The following UBE2L6 variants were observed in gnomAD, a reference collection of about 807,000 sequenced individuals.
UBE2L6 encodes ubiquitin/ISG15-conjugating enzyme E2 L6.
In UBE2L6, 11 loss-of-function variants were observed where a neutral mutation model predicts 13.6. The observed-to-expected ratio is 0.81, with a 90% confidence interval of 0.51 to 1.34. The LOEUF (loss-of-function observed/expected upper bound fraction) is 1.34. UBE2L6 is among the 40% of genes most tolerant of loss of function. UBE2L6 has a pLI of 0.00. For synonymous variants in UBE2L6, 74 were observed against 83.2 expected (o/e 0.89, Z 0.60); for missense variants, 197 against 199.5 (o/e 0.99, Z 0.07).
intron 1 of UBE2L6, among the ~76,000 whole-genome samples, chr11:57,565,691 G>A (rs73478671): frequency 0.018 from 2,779 of 152,202 alleles, 86 homozygotes; most frequent in African/African-American, 0.064. Context: ...TTGCTTGTTT[G>A]TTTATGTAAT....
chr11:57,563,825 C>A (rs1945065901), intron 1 of UBE2L6, among the ~76,000 whole-genome samples: 1 of 151,654 alleles, frequency 6.6e-6, no homozygotes, highest in African/African-American at 2.4e-5. Context: ...TGGTATGAAC[C>A]CAGGAGGCAG....
rs779660556 is a variant in UBE2L6, at chr11:57,554,627, T to C, written c.124-4A>G. ...TCAGGTGGTAGGGAGGTTGGTCCTGTGCAGAGAGAAAAGGGGTCAAGCTCC... is the reference window on the plus strand; with the variant it reads ...TCAGGTGGTAGGGAGGTTGGTCCTGCGCAGAGAGAAAAGGGGTCAAGCTCC... On this transcript the variant is annotated splice_region_variant and splice_polypyrimidine_tract_variant and intron_variant, in intron 2 of 3. Coordinates refer to ENST00000287156, the MANE Select transcript of UBE2L6 (RefSeq NM_004223.5). 1.2e-6 allele frequency: 2 copies of C among 1,614,006 alleles called. No homozygotes were observed. The highest frequency in any genetic ancestry group is 8.5e-7 in the Non-Finnish European group (1 of 1,179,958).
intron 2 of UBE2L6, among the ~76,000 whole-genome samples, chr11:57,558,060 A>C (rs2135276746): frequency 6.6e-6 from 1 of 152,244 alleles, no homozygotes; most frequent in African/African-American, 2.4e-5. Flanking sequence ...TAGGTTAAAT[A>C]AAGGATTTTG....
chr11:57,567,857 T>G (rs1327191452), upstream of UBE2L6: 1 of 438,334 alleles, frequency 2.3e-6, no homozygotes, highest in East Asian at 3.8e-5. Context: ...ACGGTCTTTG[T>G]GCGGAGACGG....
At chr11:57,567,402 T>C in intron 1 of UBE2L6, 183 bp downstream of exon 1, 1 of 874,634 alleles carries the variant, frequency 1.1e-6, no homozygotes, top group Non-Finnish European at 1.8e-6. Flanking sequence ...AAACCCCAGC[T>C]CTGGCCACTC....
intron 3 of UBE2L6, among the ~76,000 whole-genome samples, 179 bp downstream of exon 3, chr11:57,554,258 G>A (rs1418853301): frequency 6.6e-6 from 1 of 152,194 alleles, no homozygotes; most frequent in Non-Finnish European, 1.5e-5. Context: ...AAGAAGAGAG[G>A]CAGGAGGAGG....
Position 57,552,541 on chromosome 11 carries a change from G to T in UBE2L6, c.311-32C>A, listed in dbSNP as rs756351641. The T allele has an allele frequency of 1.9e-6, 3 of 1,613,168 alleles. No homozygotes were observed. The Admixed American group carries it at 5.0e-5, about 27-fold the overall frequency. ...AGAGACAGGCCAGATCAGGATATCA[G>T]GGCAGAGGGAAGGGAGTCATGGCTG... On this transcript the variant is annotated intron_variant, in intron 3 of 3. Transcript: ENST00000287156.
intron 3 of UBE2L6, among the ~76,000 whole-genome samples, chr11:57,552,830 T>C (rs1944969799): frequency 1.3e-5 from 2 of 152,196 alleles, no homozygotes; most frequent in African/African-American, 2.4e-5. Context: ...CTCCATTATA[T>C]TGGTAGTCCA....
At chr11:57,567,774 C>G (rs982769715), upstream of UBE2L6, 3 of 804,042 alleles carry the variant, frequency 3.7e-6, no homozygotes, top group Non-Finnish European at 5.4e-6. Flanking sequence ...TCCGGCGAGG[C>G]CAGGAGGCCG....
At chr11:57,553,078 C>T (rs1565158145) in intron 3 of UBE2L6, among the ~76,000 whole-genome samples, 1 of 152,238 alleles carries the variant, frequency 6.6e-6, no homozygotes, top group Non-Finnish European at 1.5e-5. Flanking sequence ...CTTTCATTTC[C>T]TGAGTTAAAA....
chr11:57,556,520 A>G (rs1185141767), intron 2 of UBE2L6, among the ~76,000 whole-genome samples: 2 of 134,858 alleles, frequency 1.5e-5, no homozygotes, highest in Non-Finnish European at 3.1e-5. Flanking sequence ...TGAACCTGGG[A>G]GGCTGACGTT....
chr11:57,565,106 A>C (rs970738928), intron 1 of UBE2L6, among the ~76,000 whole-genome samples: 2 of 150,890 alleles, frequency 1.3e-5, no homozygotes, highest in Non-Finnish European at 3.0e-5. Flanking sequence ...GCCAGGCGTG[A>C]TGGTGCCTGC....
chr11:57,559,703 A>C (rs1449017199), intron 2 of UBE2L6, among the ~76,000 whole-genome samples: 1 of 152,230 alleles, frequency 6.6e-6, no homozygotes, highest in Admixed American at 6.5e-5. Flanking sequence ...CAATGTCTTA[A>C]ATTTTATTTC....
intron 1 of UBE2L6, 117 bp from the exon 2 acceptor site, chr11:57,560,549 C>A: frequency 2.8e-6 from 2 of 713,210 alleles, no homozygotes; most frequent in East Asian, 2.6e-5. Context: ...GGGGCAGAAG[C>A]CGGTAAAGTC....
intron 1 of UBE2L6, among the ~76,000 whole-genome samples, chr11:57,564,803 CA>C (rs934759372): frequency 5.3e-4 from 64 of 121,478 alleles, no homozygotes; most frequent in African/African-American, 4.0e-4. Flanking sequence ...AACTCCGTCT[CA>C]AAAAAAAAAA....
chr11:57,567,029 C>A, intron 1 of UBE2L6: 1 of 450,538 alleles, frequency 2.2e-6, no homozygotes, highest in Non-Finnish European at 4.4e-6. Context: ...CCACCTACTC[C>A]AGGAGGCCTT....
At chr11:57,567,173 C>A in intron 1 of UBE2L6, 1 of 462,670 alleles carries the variant, frequency 2.2e-6, no homozygotes, top group Non-Finnish European at 4.3e-6. Flanking sequence ...TGGGCTTATT[C>A]CAAGGCAAGG....
chr11:57,564,672 G>A (rs945178779), intron 1 of UBE2L6, among the ~76,000 whole-genome samples: 9 of 151,876 alleles, frequency 5.9e-5, no homozygotes, highest in African/African-American at 1.2e-4. Context: ...GCGTGGTGGC[G>A]GGTGCCTGTA....
chr11:57,553,849 T>C (rs2729371), intron 3 of UBE2L6, among the ~76,000 whole-genome samples: 127,582 of 152,192 alleles, frequency 0.84, 53,943 homozygotes, highest in African/African-American at 0.94. Context: ...AATTGAGTTC[T>C]TCAGTTGCAA....
Sources: allele counts gnomAD v4.1 joint callset (sites outside exome capture counted in the v4.1 genomes callset), GRCh38; gene constraint gnomAD v4.1.1; transcripts MANE v1.5; gene names NCBI Gene and HGNC (gene_info 2026-07-23, HGNC 2026-07-21).